Variants in ZCCHC14 observed in about 807,000 individuals in gnomAD.
The protein encoded by ZCCHC14 is zinc finger CCHC-type containing 14.
Under a neutral mutation model 85.0 loss-of-function variants are expected in ZCCHC14, and 16 were observed. The ratio of observed to expected loss-of-function variants is 0.19; its 90% CI spans 0.13 to 0.29. The LOEUF (loss-of-function observed/expected upper bound fraction) is 0.29. Ranked by LOEUF, ZCCHC14 falls within the 10% of genes least tolerant of loss-of-function variation. ZCCHC14 has a pLI of 1.00. For missense variants in ZCCHC14, 1,303 were observed against 1,443.5 expected (o/e 0.90, Z 1.58); for synonymous variants, 775 against 630.7 (o/e 1.23, Z -3.43).
intron 3 of ZCCHC14, among the ~76,000 whole-genome samples, chr16:87,424,352 G>A (rs1909258617): frequency 2.0e-5 from 3 of 152,182 alleles, no homozygotes; most frequent in Admixed American, 6.5e-5. Context: ...CTGCTCTCAG[G>A]ACACTGCAGA....
At chr16:87,449,136 C>T (rs1337939999) in intron 2 of ZCCHC14, among the ~76,000 whole-genome samples, 1 of 152,196 alleles carries the variant, frequency 6.6e-6, no homozygotes, top group Non-Finnish European at 1.5e-5. Context: ...CCCACACATC[C>T]GTGAGGAAGG....
intron 1 of ZCCHC14, among the ~76,000 whole-genome samples, chr16:87,483,715 C>A (rs1436736014): frequency 6.6e-6 from 1 of 152,218 alleles, no homozygotes; most frequent in Non-Finnish European, 1.5e-5. Context: ...GTTAGGGAAA[C>A]AGGCCTTGTA....
chr16:87,483,998 GGACT>G (rs759782727), intron 1 of ZCCHC14, among the ~76,000 whole-genome samples: 12 of 152,218 alleles, frequency 7.9e-5, no homozygotes, highest in Non-Finnish European at 1.5e-4. Context: ...AGCTCTTTAT[GGACT>G]GACAGAGAAG....
chr16:87,462,638 G>T (rs1019653790), intron 1 of ZCCHC14, among the ~76,000 whole-genome samples: 6 of 152,088 alleles, frequency 3.9e-5, no homozygotes, highest in Non-Finnish European at 8.8e-5. Flanking sequence ...TACTCGGGAG[G>T]CTGAGGCAGG....
intron 2 of ZCCHC14, 48 bp from the exon 3 acceptor site, chr16:87,433,249 T>C (rs1397054394): frequency 6.5e-7 from 1 of 1,540,846 alleles, no homozygotes; most frequent in East Asian, 2.3e-5. Flanking sequence ...GCTTGAAGTA[T>C]ATACATGATT....
intron 8 of ZCCHC14, among the ~76,000 whole-genome samples, chr16:87,415,759 T>G (rs1346257334): frequency 6.6e-6 from 1 of 152,176 alleles, no homozygotes; most frequent in Non-Finnish European, 1.5e-5. Flanking sequence ...TAAGTCACAG[T>G]TTGAATCACC....
chr16:87,475,361 G>A (rs10459847), intron 1 of ZCCHC14, among the ~76,000 whole-genome samples: 26,376 of 152,066 alleles, frequency 0.17, 3,312 homozygotes, highest in South Asian at 0.59. Flanking sequence ...AGACTAGCCT[G>A]GCCAACATGG....
chr16:87,483,428 T>G (rs1416779346), intron 1 of ZCCHC14, among the ~76,000 whole-genome samples: 1 of 148,828 alleles, frequency 6.7e-6, no homozygotes, highest in East Asian at 2.0e-4. Flanking sequence ...GAGGCAAAGG[T>G]TGCAGTGAAC....
At chr16:87,490,133 C>T (rs1232974338) in intron 1 of ZCCHC14, among the ~76,000 whole-genome samples, 1 of 152,110 alleles carries the variant, frequency 6.6e-6, no homozygotes, top group Admixed American at 6.6e-5. Flanking sequence ...AGGTAAATGT[C>T]ACACACACAA....
chr16:87,439,834 G>C (rs890644646), intron 2 of ZCCHC14, among the ~76,000 whole-genome samples: 2 of 152,188 alleles, frequency 1.3e-5, no homozygotes, highest in African/African-American at 4.8e-5. Context: ...ACAATGACTA[G>C]GTTGGTAAAT....
At chr16:87,447,656 G>A (rs1425113922) in intron 2 of ZCCHC14, among the ~76,000 whole-genome samples, 2 of 152,184 alleles carry the variant, frequency 1.3e-5, no homozygotes, top group Non-Finnish European at 2.9e-5. Flanking sequence ...TGCATAAGCT[G>A]CTATAAGCCT....
intron 1 of ZCCHC14, among the ~76,000 whole-genome samples, chr16:87,466,096 G>A (rs959316023): frequency 1.3e-5 from 2 of 151,042 alleles, no homozygotes; most frequent in East Asian, 1.9e-4. Context: ...TGTGACCCCC[G>A]CTAACTACCC....
intron 1 of ZCCHC14, 83 bp from the exon 2 acceptor site, chr16:87,460,214 T>A (rs986102695): frequency 3.3e-6 from 5 of 1,521,010 alleles, no homozygotes; most frequent in Non-Finnish European, 4.4e-6. Flanking sequence ...AAGTCTTTCA[T>A]AATTACCTTG....
intron 2 of ZCCHC14, among the ~76,000 whole-genome samples, chr16:87,448,140 C>A (rs1306663761): frequency 6.6e-6 from 1 of 152,146 alleles, no homozygotes; most frequent in East Asian, 1.9e-4. Flanking sequence ...CTTCCATTTC[C>A]TTATATAGGC....
chr16:87,431,442 C>T (rs1909654350), intron 3 of ZCCHC14, among the ~76,000 whole-genome samples: 2 of 145,086 alleles, frequency 1.4e-5, no homozygotes, highest in South Asian at 4.3e-4. Context: ...CACTGCACTC[C>T]AGCCTGGGCG....
At chr16:87,468,435 C>T (rs571697913) in intron 1 of ZCCHC14, among the ~76,000 whole-genome samples, 36 of 149,502 alleles carry the variant, frequency 2.4e-4, no homozygotes, top group African/African-American at 6.0e-4. Context: ...TCTTATATTA[C>T]AATAAATGAT....
chr16:87,440,996 C>T lies in ZCCHC14; in HGVS notation c.695-7795G>A, dbSNP rs117104241. On this transcript the variant is annotated intron_variant, in intron 2 of 12. Transcript: ENST00000671377. ...CTGCTATTATACATATGCGACTGTT[C>T]CCATAAAGTTTTTTTTTTTTTTTTG... Among the ~76,000 whole-genome samples, 789 of 151,620 alleles carry T rather than the reference C, an allele frequency of 5.2e-3. 4 individuals carry two copies. Among genetic ancestry groups the T allele is most frequent in the Non-Finnish European group, 8.5e-3 (579 of 67,892 alleles).
chr16:87,443,940 G>C (rs958812126), intron 2 of ZCCHC14, among the ~76,000 whole-genome samples: 4 of 151,024 alleles, frequency 2.6e-5, no homozygotes, highest in African/African-American at 9.7e-5. Flanking sequence ...AGGAGGCTGA[G>C]GCATGAGAAT....
At position 87,420,458 on chromosome 16, in the gene ZCCHC14, C is replaced by A; in HGVS notation, c.950+149G>T. ...CTGAGGGCTCCCGAATCCTCCAGAACTAATGGAAATCCCTAGAGGCCAAGT... is the reference window on the plus strand; with the variant it reads ...CTGAGGGCTCCCGAATCCTCCAGAAATAATGGAAATCCCTAGAGGCCAAGT... On this transcript the variant is annotated intron_variant, in intron 5 of 12. Transcript: ENST00000671377. The surrounding 1 kb of genome is among the most constrained non-coding windows in gnomAD (Gnocchi z 5.0). 1.7e-6 allele frequency: 1 copy of A among 592,650 alleles called. No homozygotes were observed. Among genetic ancestry groups the A allele is most frequent in the South Asian group, 2.1e-5 (1 of 47,720 alleles). 36.7% of individuals were successfully genotyped at this position (592,650 alleles called of 1,614,324 possible). A position where few individuals can be genotyped will look rare whatever the true frequency, so the allele number is the denominator to read the frequency against.
Sources: allele counts gnomAD v4.1 joint callset (sites outside exome capture counted in the v4.1 genomes callset), GRCh38; gene constraint gnomAD v4.1.1; non-coding constraint Gnocchi (gnomAD v3.1); transcripts MANE v1.5; gene names NCBI Gene and HGNC (gene_info 2026-07-23, HGNC 2026-07-21).